Variants in CNTLN observed in about 807,000 individuals in gnomAD.
CNTLN encodes centlein, centrosomal protein.
In CNTLN, 212 loss-of-function variants were observed where a neutral mutation model predicts 180.0. The observed-to-expected ratio is 1.18, with a 90% confidence interval of 1.05 to 1.32. CNTLN has a LOEUF of 1.32. CNTLN is among the 40% of genes most tolerant of loss of function. CNTLN has a pLI of 0.00. For synonymous variants in CNTLN, 722 were observed against 563.1 expected (o/e 1.28, Z -3.99); for missense variants, 2,095 against 1,610.9 (o/e 1.30, Z -5.14).
chr9:17,415,922 T>C (rs758539459), intron 17 of CNTLN, 41 bp downstream of exon 17: 2 of 1,587,190 alleles, frequency 1.3e-6, no homozygotes, highest in Non-Finnish European at 1.7e-6. Context: ...CTTTTACAAT[T>C]TAAATCTAAT....
At chr9:17,226,529 T>C (rs576087884) in intron 3 of CNTLN, among the ~76,000 whole-genome samples, 12 of 152,116 alleles carry the variant, frequency 7.9e-5, no homozygotes, top group African/African-American at 2.4e-4. Flanking sequence ...TTTATAATAG[T>C]ATCTAGCTAT....
Position 17,502,595 on chromosome 9 carries a change from A to C in CNTLN, c.4164A>C (p.Ile1388=), listed in dbSNP as rs1833810642. The C allele has an allele frequency of 7.1e-7, 1 of 1,415,852 alleles. No individual in the cohort carries two copies. The highest frequency in any genetic ancestry group is 1.3e-5 in the South Asian group (1 of 76,664). 87.7% of individuals were successfully genotyped at this position (1,415,852 alleles called of 1,614,324 possible). Reference sequence around the variant, plus strand: ...TACTAGAAGCAGTACTGGAAAAAATAAATGAAAAAAAGAAACTAGTTGAAG... The same window carrying C: ...TACTAGAAGCAGTACTGGAAAAAATCAATGAAAAAAAGAAACTAGTTGAAG... ...SYLLEAVLEK[I]NEKKKLVEGY... is the part of the protein sequence containing the mutation. Residue 1388 remains isoleucine (I), a synonymous_variant, in exon 26 of 26, where the codon ATA becomes ATC. Transcript: ENST00000380647.
intron 2 of CNTLN, among the ~76,000 whole-genome samples, chr9:17,205,870 A>G (rs1822884956): frequency 6.6e-6 from 1 of 152,230 alleles, no homozygotes; most frequent in South Asian, 2.1e-4. Flanking sequence ...AGGCAGATCA[A>G]CAGGCCAAAA....
chr9:17,357,151 C>A (rs1316591718), intron 12 of CNTLN, among the ~76,000 whole-genome samples: 1 of 152,040 alleles, frequency 6.6e-6, no homozygotes, highest in Non-Finnish European at 1.5e-5. Flanking sequence ...ACTATTTCTT[C>A]AAGATTTATC....
Position 17,415,887 on chromosome 9 carries a change from AATGTAT to A in CNTLN, c.2890+10_2890+15del. The A allele has an allele frequency of 6.3e-7, 1 of 1,599,748 alleles. No individual in the cohort carries two copies. The highest frequency in any genetic ancestry group is 8.5e-7 in the Non-Finnish European group (1 of 1,170,504). ...TACAGCAGTTCCTACTAGAGGTAAGAATGTATATGCAATTAACAATATGTCTTTTAC... is the reference window on the plus strand; with the variant it reads ...TACAGCAGTTCCTACTAGAGGTAAGAATGCAATTAACAATATGTCTTTTAC... On this transcript the variant is annotated splice_region_variant and intron_variant, in intron 17 of 25. Coordinates refer to ENST00000380647, the MANE Select transcript of CNTLN (RefSeq NM_017738.4).
At chr9:17,333,749 CAT>C (rs3840727) in intron 10 of CNTLN, among the ~76,000 whole-genome samples, 75,818 of 151,762 alleles carry the variant, frequency 0.5, 20,217 homozygotes, top group Non-Finnish European at 0.6. Flanking sequence ...CCAAAAATAA[CAT>C]GTCCAAATGA....
intron 7 of CNTLN, chr9:17,302,200 C>CA: frequency 1.2e-6 from 1 of 813,480 alleles, no homozygotes; most frequent in Non-Finnish European, 1.5e-6. Flanking sequence ...ATATGCAATT[C>CA]ACTTTTTTTT....
intron 2 of CNTLN, among the ~76,000 whole-genome samples, chr9:17,208,163 T>G (rs561479328): frequency 6.6e-6 from 1 of 152,318 alleles, no homozygotes; most frequent in East Asian, 1.9e-4. Flanking sequence ...TTTTTGAGGG[T>G]TTTTATCCTG....
At chr9:17,325,412 GTA>G (rs962483926) in intron 8 of CNTLN, among the ~76,000 whole-genome samples, 3 of 141,822 alleles carry the variant, frequency 2.1e-5, no homozygotes, top group Admixed American at 7.1e-5. Flanking sequence ...GTGTGTGTGT[GTA>G]TGTATACACA....
chr9:17,396,541 A>G (rs1430807765), intron 15 of CNTLN, among the ~76,000 whole-genome samples: 3 of 152,104 alleles, frequency 2.0e-5, no homozygotes, highest in Non-Finnish European at 4.4e-5. Flanking sequence ...TTGTTTTTAA[A>G]TCCCTAATAG....
intron 2 of CNTLN, among the ~76,000 whole-genome samples, chr9:17,150,912 G>A (rs754389513): frequency 6.6e-6 from 1 of 152,192 alleles, no homozygotes; most frequent in Non-Finnish European, 1.5e-5. Flanking sequence ...CTTAGTAGCA[G>A]TTGTGAATGG....
chr9:17,334,499 A>G (rs1455835165), intron 10 of CNTLN, among the ~76,000 whole-genome samples: 1 of 152,132 alleles, frequency 6.6e-6, no homozygotes, highest in Non-Finnish European at 1.5e-5. Context: ...TTAGATTTAT[A>G]TGAGATTTCC....
intron 1 of CNTLN, among the ~76,000 whole-genome samples, chr9:17,141,989 G>C (rs1818131867): frequency 6.7e-6 from 1 of 149,648 alleles, no homozygotes; most frequent in Non-Finnish European, 1.5e-5. Context: ...GGCTGAGGCA[G>C]AAGAATCACT....
At position 17,290,552 on chromosome 9, in the gene CNTLN, T is replaced by C. The variant is rs201102820; in HGVS notation, c.984-7638T>C. 2.1e-4 allele frequency among the ~76,000 whole-genome samples: 30 copies of C among 140,238 alleles called. No homozygotes were observed. The East Asian group carries it at 3.2e-3, about 15-fold the overall frequency. The allele number at this position is 140,238 out of a possible 152,430, so 92.0% of individuals were successfully genotyped here. On this transcript the variant is annotated intron_variant, in intron 6 of 25. Coordinates refer to ENST00000380647, the MANE Select transcript of CNTLN (RefSeq NM_017738.4). ...TGGGCTCCACCCAGTTCGAGCTTCC[T>C]GGCTGCTTTGTTTACCTAAGGAAGC...
At position 17,339,701 on chromosome 9, in the gene CNTLN, C is replaced by A. The variant is rs542594013; in HGVS notation, c.1645-1126C>A. ...AACAGTTATTAAAATATTTGAAATT[C>A]TCATGAGGGAAGAAACTGGAGAAGT... On this transcript the variant is annotated intron_variant, in intron 10 of 25. Coordinates refer to ENST00000380647, the MANE Select transcript of CNTLN (RefSeq NM_017738.4). 1.4e-3 allele frequency among the ~76,000 whole-genome samples: 217 copies of A among 152,224 alleles called. 1 individual carries two copies. Among genetic ancestry groups the A allele is most frequent in the Non-Finnish European group, 2.6e-3 (180 of 68,004 alleles).
Position 17,332,601 on chromosome 9 carries a change from C to G in CNTLN, c.1519-4C>G, listed in dbSNP as rs560597582. Reference sequence around the variant, plus strand: ...TTCAACCATGTCCTTGTTTTATTCTCGAGGAACCACCTGTGAAACGTTCAA... The same window carrying G: ...TTCAACCATGTCCTTGTTTTATTCTGGAGGAACCACCTGTGAAACGTTCAA... On this transcript the variant is annotated splice_polypyrimidine_tract_variant and splice_region_variant and intron_variant, in intron 9 of 25. Coordinates refer to ENST00000380647, the MANE Select transcript of CNTLN (RefSeq NM_017738.4). 1.9e-6 allele frequency: 3 copies of G among 1,599,500 alleles called. No homozygotes were observed. Among genetic ancestry groups the G allele is most frequent in the African/African-American group, 2.7e-5 (2 of 73,902 alleles).
intron 2 of CNTLN, among the ~76,000 whole-genome samples, chr9:17,144,375 A>G (rs554075776): frequency 2.4e-4 from 37 of 152,248 alleles, no homozygotes; most frequent in African/African-American, 8.4e-4. Flanking sequence ...TACTTCCTCA[A>G]TCATTTTTGA....
At chr9:17,138,546 C>A (rs945904054) in intron 1 of CNTLN, among the ~76,000 whole-genome samples, 10 of 152,114 alleles carry the variant, frequency 6.6e-5, no homozygotes. Flanking sequence ...CAAAGAAAAA[C>A]AAATTTGAGA....
intron 8 of CNTLN, among the ~76,000 whole-genome samples, chr9:17,310,235 ACTT>A (rs767892768): frequency 1.3e-5 from 2 of 152,120 alleles, no homozygotes; most frequent in African/African-American, 4.8e-5. Context: ...TAACCACCAA[ACTT>A]CTTATCATTT....
Sources: gnomAD v4.1 joint callset for allele counts (sites outside exome capture counted in the v4.1 genomes callset) on GRCh38, gnomAD v4.1.1 for gene constraint, MANE v1.5 for transcripts, NCBI Gene and HGNC (gene_info 2026-07-23, HGNC 2026-07-21) for gene names.